The following CSMD1 variants were observed in gnomAD, a reference collection of about 807,000 sequenced individuals.
CSMD1 encodes CUB and Sushi multiple domains 1.
Under a neutral mutation model 417.5 loss-of-function variants are expected in CSMD1, and 213 were observed. The ratio of observed to expected loss-of-function variants is 0.51; its 90% CI spans 0.46 to 0.57. CSMD1 has a LOEUF of 0.57. Ranked by LOEUF, CSMD1 falls within the 20% of genes least tolerant of loss-of-function variation. The pLI is 0.00. For synonymous variants in CSMD1, 2,862 were observed against 1,736.8 expected (o/e 1.65, Z -16.11); for missense variants, 6,923 against 4,529.7 (o/e 1.53, Z -15.17).
intron 37 of CSMD1, 70 bp downstream of exon 37, chr8:3,181,040 A>T: frequency 1.1e-6 from 1 of 919,168 alleles, no homozygotes; most frequent in Non-Finnish European, 1.7e-6. Context: ...TAAGAGCATG[A>T]TTTATTTTTT....
intron 23 of CSMD1, among the ~76,000 whole-genome samples, chr8:3,315,051 C>G (rs954516698): frequency 1.3e-5 from 2 of 152,102 alleles, no homozygotes; most frequent in Non-Finnish European, 2.9e-5. Flanking sequence ...CTGAAAAAAG[C>G]TTGAAGTATT....
At chr8:3,532,749 A>G (rs1016982168) in intron 10 of CSMD1, among the ~76,000 whole-genome samples, 5 of 152,210 alleles carry the variant, frequency 3.3e-5, no homozygotes, top group African/African-American at 1.2e-4. Context: ...CTATTGATCA[A>G]TATATAGACA....
At chr8:4,350,526 G>C (rs957824475) in intron 3 of CSMD1, among the ~76,000 whole-genome samples, 19 of 152,268 alleles carry the variant, frequency 1.2e-4, no homozygotes, top group African/African-American at 4.1e-4. Flanking sequence ...TCAGCCTGAA[G>C]GAGGTAGGAA....
At chr8:4,367,632 A>T (rs543166372) in intron 3 of CSMD1, among the ~76,000 whole-genome samples, 5 of 152,054 alleles carry the variant, frequency 3.3e-5, no homozygotes, top group Non-Finnish European at 7.4e-5. Context: ...TTAATATTGA[A>T]TCTGTAAATT....
At chr8:3,963,068 T>C (rs1299100748) in intron 5 of CSMD1, among the ~76,000 whole-genome samples, 1 of 152,074 alleles carries the variant, frequency 6.6e-6, no homozygotes, top group Non-Finnish European at 1.5e-5. Context: ...GTAGCTGAGA[T>C]TACAGGTATG....
intron 1 of CSMD1, among the ~76,000 whole-genome samples, chr8:4,823,333 T>C (rs375177738): frequency 6.6e-6 from 1 of 152,066 alleles, no homozygotes; most frequent in Non-Finnish European, 1.5e-5. Flanking sequence ...ACTTAGTTTT[T>C]AAAATGTATT....
chr8:4,014,718 G>C (rs572741896), intron 4 of CSMD1, among the ~76,000 whole-genome samples: 15 of 152,172 alleles, frequency 9.9e-5, no homozygotes, highest in African/African-American at 1.9e-4. Flanking sequence ...CAAAGTCCTT[G>C]CTGGTAAACA....
At chr8:3,315,912 T>G (rs1362377003) in intron 23 of CSMD1, among the ~76,000 whole-genome samples, 1 of 152,206 alleles carries the variant, frequency 6.6e-6, no homozygotes. Context: ...CCAAGTGAAT[T>G]TAATGCTGGT....
intron 5 of CSMD1, among the ~76,000 whole-genome samples, chr8:3,757,642 C>G (rs1340571015): frequency 1.3e-5 from 2 of 152,006 alleles, no homozygotes; most frequent in Non-Finnish European, 2.9e-5. Flanking sequence ...GTGGGTGGAT[C>G]ACCTGAGGTC....
chr8:4,327,572 C>T (rs2128888592), intron 3 of CSMD1, among the ~76,000 whole-genome samples: 1 of 152,204 alleles, frequency 6.6e-6, no homozygotes, highest in African/African-American at 2.4e-5. Context: ...GCGCTCATCA[C>T]TGTCACTCAT....
intron 2 of CSMD1, among the ~76,000 whole-genome samples, chr8:4,610,798 G>A (rs1468160793): frequency 6.6e-6 from 1 of 152,160 alleles, no homozygotes; most frequent in Non-Finnish European, 1.5e-5. Flanking sequence ...CCTTTCACAA[G>A]AGTTCAGGAT....
chr8:4,904,739 T>C (rs566624994), intron 1 of CSMD1, among the ~76,000 whole-genome samples: 2 of 152,136 alleles, frequency 1.3e-5, no homozygotes, highest in African/African-American at 4.8e-5. Context: ...TAAAGCAAAA[T>C]TAAAAAAACA....
At chr8:4,524,532 C>T (rs1047283654) in intron 2 of CSMD1, among the ~76,000 whole-genome samples, 12 of 151,118 alleles carry the variant, frequency 7.9e-5, no homozygotes, top group Admixed American at 2.0e-4. Flanking sequence ...AGGGTATGAA[C>T]CCTGCATTTT....
chr8:2,955,548 G>C (rs767464603), intron 64 of CSMD1, 41 bp downstream of exon 64: 4 of 1,600,590 alleles, frequency 2.5e-6, no homozygotes, highest in Non-Finnish European at 3.4e-6. Context: ...CCTTTCCCTT[G>C]CTCTTTGGAA....
At chr8:4,222,495 T>A (rs747939630) in intron 3 of CSMD1, among the ~76,000 whole-genome samples, 1 of 152,186 alleles carries the variant, frequency 6.6e-6, no homozygotes, top group African/African-American at 2.4e-5. Flanking sequence ...GTCAATAATA[T>A]AGTTGTTAAT....
intron 10 of CSMD1, among the ~76,000 whole-genome samples, chr8:3,559,872 G>C (rs1799394714): frequency 6.6e-6 from 1 of 152,158 alleles, no homozygotes; most frequent in Non-Finnish European, 1.5e-5. Context: ...AGTGGACACA[G>C]TGAGAATGGA....
chr8:4,107,884 C>T (rs1801648998), intron 3 of CSMD1, among the ~76,000 whole-genome samples: 1 of 152,230 alleles, frequency 6.6e-6, no homozygotes, highest in Non-Finnish European at 1.5e-5. Flanking sequence ...CTCACTCTTT[C>T]ATCTTCCTAA....
intron 3 of CSMD1, among the ~76,000 whole-genome samples, chr8:4,135,053 C>T (rs552535257): frequency 2.6e-5 from 4 of 152,080 alleles, no homozygotes; most frequent in African/African-American, 4.8e-5. Flanking sequence ...TTCTTAAACT[C>T]TTAGCACAGT....
chr8:4,960,242 C>A (rs11136812), intron 1 of CSMD1, among the ~76,000 whole-genome samples: 93,660 of 152,030 alleles, frequency 0.62, 29,636 homozygotes, highest in Non-Finnish European at 0.68. Context: ...CAAATAATAT[C>A]TTGAAGGAAA....
Sources: allele counts gnomAD v4.1 joint callset (sites outside exome capture counted in the v4.1 genomes callset), GRCh38; gene constraint gnomAD v4.1.1; transcripts MANE v1.5; gene names NCBI Gene and HGNC (gene_info 2026-07-23, HGNC 2026-07-21).